The following NLRP1 variants were observed in gnomAD, a reference collection of about 807,000 sequenced individuals.
NLRP1 encodes the protein NACHT, LRR and PYD domains-containing protein 1.
In NLRP1, 94 loss-of-function variants were observed where a neutral mutation model predicts 136.7. That is an observed-to-expected ratio of 0.69 (90% CI 0.58 to 0.82). The LOEUF (loss-of-function observed/expected upper bound fraction) is 0.82, where lower values mean the gene tolerates loss of function less well. Among genes scored for constraint, NLRP1 ranks in the 40% least tolerant of loss-of-function variants. NLRP1 has a pLI of 0.00. For synonymous variants in NLRP1, 690 were observed against 725.1 expected (o/e 0.95, Z 0.78); for missense variants, 1,575 against 1,802.7 (o/e 0.87, Z 2.29).
intron 2 of NLRP1, among the ~76,000 whole-genome samples, 176 bp downstream of exon 2, chr17:5,582,494 A>G (rs1905785391): frequency 6.6e-6 from 1 of 152,148 alleles, no homozygotes; most frequent in African/African-American, 2.4e-5. Flanking sequence ...CAGCACCGGA[A>G]GGTCCCTGAA....
At chr17:5,571,833 A>G (rs1257968107) in intron 3 of NLRP1, among the ~76,000 whole-genome samples, 4 of 152,200 alleles carry the variant, frequency 2.6e-5, no homozygotes. Flanking sequence ...GCATCACATT[A>G]CCTATTTTTA....
chr17:5,545,495 CACAG>C (rs1245716853), intron 5 of NLRP1, among the ~76,000 whole-genome samples: 7 of 148,510 alleles, frequency 4.7e-5, no homozygotes, highest in African/African-American at 1.2e-4. Flanking sequence ...CACACAGACA[CACAG>C]ACACACACAC....
intron 11 of NLRP1, among the ~76,000 whole-genome samples, chr17:5,532,300 G>A (rs1227514907): frequency 6.6e-6 from 1 of 152,130 alleles, no homozygotes; most frequent in East Asian, 1.9e-4. Flanking sequence ...ATAAGAACAT[G>A]TTTTAGACAA....
Position 5,514,408 on chromosome 17 carries a change from G to C in NLRP1, c.*346C>G, listed in dbSNP as rs2151731706. The stretch of plus-strand genomic sequence containing the variant: ...GGGCTCACCCTGTGACACAGCCAGA[G>C]GCAAATGGTTCCATGTCCCTCCTAT... On this transcript the variant is annotated 3_prime_UTR_variant, in exon 17 of 17. Coordinates refer to ENST00000572272, the MANE Select transcript of NLRP1 (RefSeq NM_033004.4). The C allele has an allele frequency of 3.5e-6, 4 of 1,129,996 alleles. No homozygotes were observed. In the South Asian group the frequency reaches 7.6e-5, roughly 21 times the overall value. The allele number at this position is 1,129,996 out of a possible 1,614,324, so 70.0% of individuals were successfully genotyped here. A position where few individuals can be genotyped will look rare whatever the true frequency, so the allele number is the denominator to read the frequency against.
intron 3 of NLRP1, among the ~76,000 whole-genome samples, chr17:5,575,728 T>A (rs1010111192): frequency 1.3e-5 from 2 of 151,798 alleles, no homozygotes; most frequent in Admixed American, 1.3e-4. Context: ...AGACAGAAAG[T>A]TAAAAAGGAT....
At position 5,558,859 on chromosome 17, in the gene NLRP1, G is replaced by A. The variant is rs1336968493; in HGVS notation, c.1837C>T (p.His613Tyr). 3 of 1,613,934 alleles carry A rather than the reference G, an allele frequency of 1.9e-6. No individual in the cohort carries two copies. The African/African-American group carries it at 4.0e-5, about 22-fold the overall frequency. Residue 613 changes from histidine (H) to tyrosine (Y), a missense_variant, in exon 4 of 17, where the codon CAC becomes TAC. By Grantham distance (83) the His-to-Tyr change is moderately conservative. Coordinates refer to ENST00000572272, the MANE Select transcript of NLRP1 (RefSeq NM_033004.4). Reference protein sequence around the residue: ...TFLKMGILQEHPIPLSYSFIH... With the variant: ...TFLKMGILQEYPIPLSYSFIH... ...AAGCTGTAGCTCAGAGGGATGGGGT[G>A]CTCTTGAAGAATACCCATCTTCAAG... is the stretch of plus-strand genomic sequence containing the variant.
chr17:5,583,949 G>T lies in NLRP1; in HGVS notation c.9C>A (p.Gly3=), dbSNP rs141222560. The change falls in exon 1 of 17, where the codon GGC becomes GGA. Residue 3 remains glycine (G), a synonymous_variant. Coordinates refer to ENST00000572272, the MANE Select transcript of NLRP1 (RefSeq NM_033004.4). This position sits in a 1 kb window ranked among gnomAD's most constrained non-coding sequence, Gnocchi z 4.5. ...AACAGGCCAGGCGGCCCCAGGCTCC[G>T]CCAGCCATCTCTGTCCCGGAGTTAA... MA[G]GAWGRLACYL... is the part of the protein sequence containing the mutation. The T allele has an allele frequency of 1.2e-6, 2 of 1,608,704 alleles. No homozygotes were observed. Among genetic ancestry groups the T allele is most frequent in the Non-Finnish European group, 1.7e-6 (2 of 1,177,576 alleles).
rs1440706030 is a variant in NLRP1, at chr17:5,532,909, G to A, written c.3209C>T (p.Thr1070Met). ...PSPASQGDLH[T>M]KPLGTDDDFW... ...GTCATCGTCAGTCCCCAAAGGCTTCGTATGCAGGTCCCCTTGAGAGGCAGG... is the reference window on the plus strand; with the variant it reads ...GTCATCGTCAGTCCCCAAAGGCTTCATATGCAGGTCCCCTTGAGAGGCAGG... The change falls in exon 11 of 17, where the codon ACG becomes ATG. Residue 1070 changes from threonine (T) to methionine (M), a missense_variant. Transcript: ENST00000572272. 4 of 1,614,012 alleles carry A rather than the reference G, an allele frequency of 2.5e-6. No individual in the cohort carries two copies. Among genetic ancestry groups the A allele is most frequent in the East Asian group, 2.2e-5 (1 of 44,866 alleles).
At position 5,504,755 on chromosome 17, in the gene NLRP1, C is replaced by A; in HGVS notation, c.4070-2883G>T. 6.5e-6 allele frequency: 1 copy of A among 152,672 alleles called. No homozygotes were observed. Among genetic ancestry groups the A allele is most frequent in the Non-Finnish European group, 1.5e-5 (1 of 68,268 alleles). The allele number at this position is 152,672 out of a possible 1,614,324, so 9.5% of individuals were successfully genotyped here. On this transcript the variant is annotated intron_variant, in intron 15 of 15. Transcript: ENST00000262467. The surrounding 1 kb of genome is among the most constrained non-coding windows in gnomAD (Gnocchi z 4.4). ...CTCAGCTACCCACCCCAGGCTTGCT[C>A]ACCATCAAAGACTGTGCCCTGTTAG...
intron 7 of NLRP1, among the ~76,000 whole-genome samples, chr17:5,538,713 G>A (rs1911423714): frequency 6.6e-6 from 1 of 152,120 alleles, no homozygotes; most frequent in African/African-American, 2.4e-5. Context: ...GCTTACACAC[G>A]GGAGGCACTC....
At chr17:5,509,884 T>C (rs965667006), downstream of NLRP1, among the ~76,000 whole-genome samples, 2 of 152,154 alleles carry the variant, frequency 1.3e-5, no homozygotes, top group Non-Finnish European at 2.9e-5. Flanking sequence ...GAAAACTTCA[T>C]GTAGGGTGGA....
rs753571228 is a variant in NLRP1, at chr17:5,581,889, G to T, written c.622C>A (p.Leu208Met). The T allele has an allele frequency of 5.0e-6, 8 of 1,613,060 alleles. No homozygotes were observed. The Admixed American group carries it at 1.0e-4, about 20-fold the overall frequency. ...EQEAPGTQWP[L>M]DETSGIYYTE... ...TAGTAAATTCCTGACGTTTCATCCA[G>T]AGGCCATTGGGTCCCAGGAGCCTCC... is the stretch of plus-strand genomic sequence containing the variant. The change falls in exon 3 of 17, where the codon CTG becomes ATG. Residue 208 changes from leucine (L) to methionine (M), a missense_variant. Transcript: ENST00000572272.
At chr17:5,572,595 A>G (rs1904501289) in intron 3 of NLRP1, among the ~76,000 whole-genome samples, 1 of 151,968 alleles carries the variant, frequency 6.6e-6, no homozygotes, top group Non-Finnish European at 1.5e-5. Flanking sequence ...CTGTAATCCC[A>G]GCTACTTGGG....
rs1317128392 is a variant in NLRP1 at position 5,537,478 on chromosome 17, C to G, written c.2871-538G>C. On this transcript the variant is annotated intron_variant, in intron 7 of 16. Coordinates refer to ENST00000572272, the MANE Select transcript of NLRP1 (RefSeq NM_033004.4). The surrounding 1 kb of genome is among the most constrained non-coding windows in gnomAD (Gnocchi z 4.5). ...GAGTCCTGGTTCCATCCTCCCAGGCCTTGTGGTCTGGGGTTTCTGCCAGAT... is the reference window on the plus strand; with the variant it reads ...GAGTCCTGGTTCCATCCTCCCAGGCGTTGTGGTCTGGGGTTTCTGCCAGAT... Among the ~76,000 whole-genome samples, 1 of 152,142 alleles carries G rather than the reference C, an allele frequency of 6.6e-6. No individual in the cohort carries two copies. The highest frequency in any genetic ancestry group is 1.5e-5 in the Non-Finnish European group (1 of 68,014).
chr17:5,558,964 C>T lies in NLRP1; in HGVS notation c.1732G>A (p.Gly578Ser), dbSNP rs115799546. 413 of 1,614,066 alleles carry T rather than the reference C, an allele frequency of 2.6e-4. 2 individuals are homozygous for T. In the African/African-American group the frequency reaches 4.9e-3, roughly 19 times the overall value. Reference sequence around the variant, plus strand: ...AAAAGGGTCTTTTTTTGCCAGATGCCCTCAGCAGCCAGAGAGCAGAGGTCT... The same window carrying T: ...AAAAGGGTCTTTTTTTGCCAGATGCTCTCAGCAGCCAGAGAGCAGAGGTCT... ...LRDLCSLAAEGIWQKKTLFSP... is the reference protein window; with the variant it reads ...LRDLCSLAAESIWQKKTLFSP... The change falls in exon 4 of 17, where the codon GGC (glycine) becomes AGC (serine). Residue 578 changes from glycine to serine, a missense_variant. Transcript: ENST00000572272.
downstream of NLRP1, among the ~76,000 whole-genome samples, chr17:5,509,452 C>T (rs1443160400): frequency 5.3e-5 from 8 of 152,172 alleles, no homozygotes; most frequent in Non-Finnish European, 8.8e-5. Flanking sequence ...TGGCCTCTAT[C>T]GGATTCTAGC....
chr17:5,582,393 C>T (rs1010144939), intron 2 of NLRP1, among the ~76,000 whole-genome samples: 3 of 152,228 alleles, frequency 2.0e-5, no homozygotes, highest in Admixed American at 6.5e-5. Context: ...AGGACCATGT[C>T]ACGAGTTGGG....
intron 3 of NLRP1, 134 bp from the exon 4 acceptor site, chr17:5,560,177 T>A (rs1484505243): frequency 7.3e-6 from 6 of 822,860 alleles, no homozygotes; most frequent in Admixed American, 3.2e-5. Flanking sequence ...GTTCTTGCCA[T>A]GCGGCGGAAG....
At chr17:5,507,474 T>C (rs906572165) in intron 15 of NLRP1, among the ~76,000 whole-genome samples, 22 of 151,834 alleles carry the variant, frequency 1.4e-4, no homozygotes, top group African/African-American at 5.1e-4. Context: ...GTGGGCAGAT[T>C]GCTTGAGTCC....
Sources: allele counts gnomAD v4.1 joint callset (sites outside exome capture counted in the v4.1 genomes callset), GRCh38; gene constraint gnomAD v4.1.1; non-coding constraint Gnocchi (gnomAD v3.1); transcripts MANE v1.5; gene names NCBI Gene and HGNC (gene_info 2026-07-23, HGNC 2026-07-21).